CTBP2: variants seen among roughly 807,000 people sequenced by gnomAD.
CTBP2 encodes the protein C-terminal binding protein 2.
In CTBP2, 30 loss-of-function variants were observed where a neutral mutation model predicts 80.3. The observed-to-expected ratio is 0.37, with a 90% CI of 0.28 to 0.51. The LOEUF (loss-of-function observed/expected upper bound fraction) is 0.51, where lower values mean the gene tolerates loss of function less well. CTBP2 is among the 20% of genes least tolerant of loss of function. The probability of loss-of-function intolerance (pLI) is 0.93; values close to 1 mark genes in which losing one functional copy is unlikely to be tolerated. For synonymous variants in CTBP2, 594 were observed against 587.4 expected (o/e 1.01, Z -0.16); for missense variants, 1,212 against 1,375.3 (o/e 0.88, Z 1.88).
intron 2 of CTBP2, among the ~76,000 whole-genome samples, chr10:125,056,682 G>A (rs961067050): frequency 2.6e-5 from 4 of 152,190 alleles, no homozygotes; most frequent in African/African-American, 4.8e-5. Flanking sequence ...CCTCTAGAAC[G>A]GCCACAGAGT....
chr10:125,025,597 C>T (rs10444192), intron 1 of CTBP2, among the ~76,000 whole-genome samples: 33,006 of 152,180 alleles, frequency 0.22, 3,969 homozygotes, highest in East Asian at 0.28. Context: ...GCCTCTGATA[C>T]GGCGTGCGGA....
At chr10:125,073,037 A>G (rs1368225461) in intron 2 of CTBP2, among the ~76,000 whole-genome samples, 2 of 152,220 alleles carry the variant, frequency 1.3e-5, no homozygotes, top group Non-Finnish European at 2.9e-5. Context: ...CCAAGAACAC[A>G]GTGTCAGAGA....
rs576709556 is a variant in CTBP2, at chr10:124,985,369, G to A, written c.*4149C>T. ...TTTCCAGCATGGGCACTTAGAAAAA[G>A]CACATGGCAAATGGCTCTTTGTTCC... On this transcript the variant is annotated 3_prime_UTR_variant, in exon 9 of 9. Coordinates refer to ENST00000309035, the MANE Select transcript of CTBP2 (RefSeq NM_022802.3). 3.6e-5 allele frequency: 6 copies of A among 167,894 alleles called. No homozygotes were observed. In the South Asian group the frequency reaches 9.1e-4, roughly 26 times the overall value. 10.4% of individuals were successfully genotyped at this position (167,894 alleles called of 1,614,324 possible).
chr10:125,068,498 A>C (rs1844980144), intron 2 of CTBP2, among the ~76,000 whole-genome samples: 1 of 152,212 alleles, frequency 6.6e-6, no homozygotes, highest in African/African-American at 2.4e-5. Context: ...GAAACTGAGA[A>C]TGTTTCCACT....
intron 1 of CTBP2, among the ~76,000 whole-genome samples, chr10:125,116,264 G>T (rs1429496283): frequency 6.6e-6 from 1 of 152,204 alleles, no homozygotes; most frequent in African/African-American, 2.4e-5. Flanking sequence ...CGTAGAGACG[G>T]GTAGTGTGCA....
chr10:125,081,995 G>A (rs558621450), intron 2 of CTBP2, among the ~76,000 whole-genome samples: 2 of 152,012 alleles, frequency 1.3e-5, no homozygotes, highest in South Asian at 4.1e-4. Context: ...GCGCTGCCCA[G>A]GGGCAGGCTC....
chr10:125,051,658 C>G (rs1216522036), intron 2 of CTBP2, among the ~76,000 whole-genome samples: 1 of 106,224 alleles, frequency 9.4e-6, no homozygotes, highest in Non-Finnish European at 1.7e-5. Context: ...AACCAACCAA[C>G]CAAAAAAAAA....
At chr10:124,992,107 A>G (rs979190682) in intron 8 of CTBP2, among the ~76,000 whole-genome samples, 1 of 151,972 alleles carries the variant, frequency 6.6e-6, no homozygotes, top group South Asian at 2.1e-4. Context: ...ACTGTACCAG[A>G]ATGCCTTCTG....
At chr10:125,106,002 A>C (rs889071515) in intron 2 of CTBP2, among the ~76,000 whole-genome samples, 1 of 152,126 alleles carries the variant, frequency 6.6e-6, no homozygotes, top group Admixed American at 6.5e-5. Context: ...TCTTGCCTTT[A>C]ACAAACACAC....
At chr10:125,051,367 T>G (rs764511006) in intron 2 of CTBP2, among the ~76,000 whole-genome samples, 3 of 152,206 alleles carry the variant, frequency 2.0e-5, no homozygotes, top group African/African-American at 7.2e-5. Context: ...AGGCCAGGCA[T>G]GGTGGCTCAC....
intron 1 of CTBP2, among the ~76,000 whole-genome samples, chr10:125,155,154 C>T (rs1163399260): frequency 6.6e-6 from 1 of 152,346 alleles, no homozygotes; most frequent in Non-Finnish European, 1.5e-5. Flanking sequence ...CGTTCCTTAG[C>T]AGTCCAGAAA....
At chr10:125,160,910 T>C (rs1208814062), upstream of CTBP2, 1 of 147,800 alleles carries the variant, frequency 6.8e-6, no homozygotes, top group East Asian at 2.1e-4. Context: ...TGCTCTTCTT[T>C]ATTTGTTTTC....
At chr10:124,991,325 C>T (rs190412014) in intron 8 of CTBP2, among the ~76,000 whole-genome samples, 1 of 152,286 alleles carries the variant, frequency 6.6e-6, no homozygotes, top group East Asian at 1.9e-4. Context: ...GGGTCCCTTC[C>T]TCAGTGCACA....
intron 1 of CTBP2, among the ~76,000 whole-genome samples, chr10:125,159,131 C>T (rs1340602639): frequency 1.3e-5 from 2 of 150,802 alleles, no homozygotes; most frequent in African/African-American, 4.9e-5. Context: ...AGGCGCTTCC[C>T]CTCGGCCGCG....
intron 3 of CTBP2, among the ~76,000 whole-genome samples, chr10:125,033,116 A>G (rs1561586): frequency 0.45 from 68,057 of 152,136 alleles, 15,708 homozygotes; most frequent in East Asian, 0.65. Flanking sequence ...GGAAGGGAGG[A>G]ACCCTCCTGG....
chr10:125,136,159 A>T (rs11245516), intron 1 of CTBP2, among the ~76,000 whole-genome samples: 1 of 152,076 alleles, frequency 6.6e-6, no homozygotes, highest in Non-Finnish European at 1.5e-5. Flanking sequence ...TCAGATCCAG[A>T]TAAGGATGAG....
intron 3 of CTBP2, among the ~76,000 whole-genome samples, chr10:125,034,111 C>T (rs1480364241): frequency 1.3e-5 from 2 of 152,078 alleles, no homozygotes; most frequent in Non-Finnish European, 2.9e-5. Context: ...CCAAACTGAC[C>T]GGTGCAAAGA....
At chr10:125,014,350 G>A (rs1956257870) in intron 1 of CTBP2, among the ~76,000 whole-genome samples, 1 of 152,228 alleles carries the variant, frequency 6.6e-6, no homozygotes, top group Non-Finnish European at 1.5e-5. Context: ...TACTTAGGAG[G>A]CTGAGGCAGG....
At chr10:124,992,009 C>T (rs1389345627) in intron 8 of CTBP2, among the ~76,000 whole-genome samples, 1 of 151,912 alleles carries the variant, frequency 6.6e-6, no homozygotes, top group African/African-American at 2.4e-5. Flanking sequence ...AACATGGCTC[C>T]AGTTTCTCAG....
Sources: gnomAD v4.1 joint callset for allele counts (sites outside exome capture counted in the v4.1 genomes callset) on GRCh38, gnomAD v4.1.1 for gene constraint, MANE v1.5 for transcripts, NCBI Gene and HGNC (gene_info 2026-07-23, HGNC 2026-07-21) for gene names.